Variants in CREB5 observed in about 807,000 individuals in gnomAD.
CREB5 encodes cyclic AMP-responsive element-binding protein 5.
A neutral mutation model predicts 57.1 loss-of-function variants in CREB5; 19 were observed. The observed-to-expected ratio is 0.33, with a 90% CI of 0.23 to 0.49. CREB5 has a LOEUF of 0.49. CREB5 is among the 20% of genes least tolerant of loss of function. CREB5 has a pLI of 0.99. For synonymous variants in CREB5, 238 were observed against 238.3 expected, an observed-to-expected ratio of 1.00 and a Z score of 0.01; for missense variants, 579 against 671.6, an observed-to-expected ratio of 0.86 and a Z score of 1.52.
chr7:28,726,640 T>C (rs1327039416), intron 7 of CREB5: 4 of 152,210 alleles, frequency 2.6e-5, no homozygotes, highest in Admixed American at 2.6e-4. Context: ...CTGGAATGGA[T>C]TCCAGATTTC....
At chr7:28,367,575 C>T (rs965805408) in intron 1 of CREB5, among the ~76,000 whole-genome samples, 5 of 152,164 alleles carry the variant, frequency 3.3e-5, no homozygotes, top group East Asian at 1.9e-4. Context: ...TTTGGGAAGC[C>T]GAGGCGGGTG....
At chr7:28,506,659 C>T (rs921979268) in intron 3 of CREB5, among the ~76,000 whole-genome samples, 2 of 152,204 alleles carry the variant, frequency 1.3e-5, no homozygotes, top group African/African-American at 4.8e-5. Flanking sequence ...CTTCTAATAT[C>T]TCCTGTTTCT....
At chr7:28,477,229 G>A (rs190407645) in intron 1 of CREB5, among the ~76,000 whole-genome samples, 1 of 152,224 alleles carries the variant, frequency 6.6e-6, no homozygotes, top group East Asian at 1.9e-4. Context: ...CCCCATCAAG[G>A]GCAGCCACAA....
At chr7:28,454,522 C>T (rs55634758) in intron 1 of CREB5, among the ~76,000 whole-genome samples, 3,266 of 152,260 alleles carry the variant, frequency 0.021, 72 homozygotes, top group African/African-American at 0.054. Flanking sequence ...CATCCATGTT[C>T]GCCAGATTGC....
chr7:28,635,247 C>T (rs1306775361), intron 5 of CREB5, among the ~76,000 whole-genome samples: 4 of 152,172 alleles, frequency 2.6e-5, no homozygotes, highest in African/African-American at 4.8e-5. Context: ...TGATATTGCT[C>T]ATATTTTATC....
At chr7:28,481,075 C>G (rs1242957217) in intron 1 of CREB5, among the ~76,000 whole-genome samples, 2 of 152,184 alleles carry the variant, frequency 1.3e-5, no homozygotes, top group Non-Finnish European at 2.9e-5. Context: ...AACCACAAAC[C>G]TCTGCAGAAG....
rs948506396 is a variant in CREB5 at position 28,718,199 on chromosome 7, C to T, written c.465-554C>T. The stretch of plus-strand genomic sequence containing the variant: ...CCAGCTGTGCTGCCGCACCAGGATC[C>T]GGCTTCTTTGGTTTGTTTTTTTCCA... On this transcript the variant is annotated intron_variant, in intron 5 of 10. Transcript: ENST00000357727. 7.9e-5 allele frequency among the ~76,000 whole-genome samples: 12 copies of T among 152,206 alleles called. No homozygotes were observed. In the South Asian group the frequency reaches 8.3e-4, roughly 11 times the overall value.
chr7:28,575,581 G>A (rs35557737), intron 5 of CREB5, among the ~76,000 whole-genome samples: 35,530 of 152,180 alleles, frequency 0.23, 4,407 homozygotes, highest in Non-Finnish European at 0.26. Flanking sequence ...CCTTCCTGCT[G>A]GAGACAGCGG....
intron 4 of CREB5, among the ~76,000 whole-genome samples, chr7:28,521,168 G>A (rs1294590041): frequency 1.1e-4 from 11 of 102,378 alleles, no homozygotes; most frequent in South Asian, 6.9e-4. Flanking sequence ...GCCTGTGCAC[G>A]TGTGTATAAG....
intron 4 of CREB5, among the ~76,000 whole-genome samples, chr7:28,526,179 T>A (rs1793441619): frequency 6.6e-6 from 1 of 152,204 alleles, no homozygotes; most frequent in Admixed American, 6.5e-5. Context: ...TGGGTTAGTG[T>A]CTATGATCCA....
intron 1 of CREB5, among the ~76,000 whole-genome samples, chr7:28,311,415 C>A (rs1490001003): frequency 6.6e-6 from 1 of 152,198 alleles, no homozygotes; most frequent in East Asian, 1.9e-4. Context: ...AGTTAAAACC[C>A]TGGGCAGTGC....
At chr7:28,813,737 T>G (rs968619573) in intron 9 of CREB5, among the ~76,000 whole-genome samples, 2 of 152,326 alleles carry the variant, frequency 1.3e-5, no homozygotes, top group African/African-American at 4.8e-5. Context: ...GCTGAAAGTA[T>G]GTTTTTGTAG....
intron 1 of CREB5, among the ~76,000 whole-genome samples, chr7:28,389,252 A>T (rs532751811): frequency 3.4e-4 from 52 of 152,236 alleles, no homozygotes; most frequent in Non-Finnish European, 6.6e-4. Flanking sequence ...ATGCTGTATA[A>T]TATTGCAACT....
intron 3 of CREB5, among the ~76,000 whole-genome samples, chr7:28,497,842 G>A (rs903979883): frequency 5.3e-5 from 8 of 151,984 alleles, no homozygotes; most frequent in African/African-American, 1.9e-4. Context: ...GCTAATTGTG[G>A]CATATTGGAT....
At chr7:28,753,099 A>C (rs984332111) in intron 7 of CREB5, among the ~76,000 whole-genome samples, 3 of 152,176 alleles carry the variant, frequency 2.0e-5, no homozygotes, top group African/African-American at 7.2e-5. Flanking sequence ...CACCTCAAAG[A>C]ATCTGTCCTA....
chr7:28,313,738 G>A (rs1785324372), intron 1 of CREB5, among the ~76,000 whole-genome samples: 1 of 152,156 alleles, frequency 6.6e-6, no homozygotes, highest in Non-Finnish European at 1.5e-5. Flanking sequence ...CCCCTTCACG[G>A]TTTTAACACA....
Position 28,581,548 on chromosome 7 carries a change from A to G in CREB5, c.464+11011A>G, listed in dbSNP as rs966288963. ...AAGAGAATCACAAACGCCCTCAAGT[A>G]TGGGTGTCTCTCTCCTCCCCTTTAC... is the stretch of plus-strand genomic sequence containing the variant. On this transcript the variant is annotated intron_variant, in intron 5 of 10. Transcript: ENST00000357727. Among the ~76,000 whole-genome samples, 8 of 152,304 alleles carry G rather than the reference A, an allele frequency of 5.3e-5. No homozygotes were observed. The East Asian group carries it at 1.2e-3, about 22-fold the overall frequency.
At chr7:28,503,231 AT>A (rs1792338862) in intron 3 of CREB5, among the ~76,000 whole-genome samples, 1 of 152,200 alleles carries the variant, frequency 6.6e-6, no homozygotes, top group Admixed American at 6.5e-5. Context: ...GTACCTACCA[AT>A]TTACAGAGGC....
intron 4 of CREB5, among the ~76,000 whole-genome samples, chr7:28,561,017 CGTGTGTGCGTGTGT>C (rs1203758798): frequency 6.6e-5 from 2 of 30,428 alleles, no homozygotes; most frequent in East Asian, 6.1e-4. Flanking sequence ...TGTGTGTGTG[CGTGTGTGCGTGTGT>C]GTGTGTGTGT....
Sources: allele counts gnomAD v4.1 joint callset (sites outside exome capture counted in the v4.1 genomes callset), GRCh38; gene constraint gnomAD v4.1.1; transcripts MANE v1.5; gene names NCBI Gene and HGNC (gene_info 2026-07-23, HGNC 2026-07-21).